CCDC178: variants seen among roughly 807,000 people sequenced by gnomAD.
CCDC178 encodes coiled-coil domain-containing protein 178.
In CCDC178, 126 loss-of-function variants were observed where a neutral mutation model predicts 117.4. That is an observed-to-expected ratio of 1.07 (90% confidence interval 0.93 to 1.24). CCDC178 has a LOEUF of 1.24. Ranked by LOEUF, CCDC178 falls within the 50% of genes most tolerant of loss-of-function variation. CCDC178 has a pLI of 0.00. For missense variants in CCDC178, 1,030 were observed against 986.9 expected, an observed-to-expected ratio of 1.04 and a Z score of -0.59; for synonymous variants, 283 against 313.4, an observed-to-expected ratio of 0.90 and a Z score of 1.02.
chr18:33,282,453 C>G (rs2040577779), intron 12 of CCDC178, among the ~76,000 whole-genome samples: 1 of 152,154 alleles, frequency 6.6e-6, no homozygotes, highest in Admixed American at 6.5e-5. Flanking sequence ...TCAGATGGGA[C>G]TAGTCTGACC....
chr18:33,432,249 C>A (rs986836745), intron 2 of CCDC178, among the ~76,000 whole-genome samples: 2 of 152,084 alleles, frequency 1.3e-5, no homozygotes, highest in African/African-American at 2.4e-5. Flanking sequence ...AGTAGAAAGG[C>A]ACCACAGAAT....
intron 3 of CCDC178, among the ~76,000 whole-genome samples, chr18:33,411,767 T>C (rs529925440): frequency 6.6e-6 from 1 of 152,252 alleles, no homozygotes; most frequent in South Asian, 2.1e-4. Flanking sequence ...CACACCATTG[T>C]TGTACTGCTT....
At chr18:33,065,867 T>C (rs535854025) in intron 21 of CCDC178, among the ~76,000 whole-genome samples, 28 of 150,260 alleles carry the variant, frequency 1.9e-4, no homozygotes, top group Non-Finnish European at 2.1e-4. Context: ...TTTTCTTTTT[T>C]TTTTTTTTTT....
intron 20 of CCDC178, among the ~76,000 whole-genome samples, chr18:33,110,218 CTT>C (rs1046752697): frequency 3.3e-5 from 5 of 151,618 alleles, no homozygotes; most frequent in African/African-American, 1.2e-4. Flanking sequence ...ATTTTCCAGT[CTT>C]TGTCACTTTT....
chr18:33,366,204 C>A (rs551931968), intron 6 of CCDC178, among the ~76,000 whole-genome samples: 1 of 152,094 alleles, frequency 6.6e-6, no homozygotes, highest in Admixed American at 6.6e-5. Context: ...GTAGCTCATG[C>A]CTGTAATCCT....
intron 21 of CCDC178, among the ~76,000 whole-genome samples, chr18:33,030,794 T>C (rs1435139902): frequency 1.3e-5 from 2 of 152,054 alleles, no homozygotes; most frequent in African/African-American, 2.4e-5. Flanking sequence ...GATAGATAGA[T>C]AGATGTAGAT....
chr18:33,151,643 A>C (rs574066344), intron 20 of CCDC178, among the ~76,000 whole-genome samples: 1 of 152,324 alleles, frequency 6.6e-6, no homozygotes, highest in South Asian at 2.1e-4. Context: ...TTATAATAGA[A>C]AGTAATCAAC....
At chr18:33,244,811 G>C (rs1599045358) in intron 15 of CCDC178, among the ~76,000 whole-genome samples, 1 of 151,964 alleles carries the variant, frequency 6.6e-6, no homozygotes, top group East Asian at 1.9e-4. Flanking sequence ...CAGAAATGTA[G>C]TCTACAAATT....
intron 20 of CCDC178, among the ~76,000 whole-genome samples, chr18:33,192,219 G>T (rs1344589065): frequency 1.3e-5 from 2 of 152,106 alleles, no homozygotes; most frequent in South Asian, 4.1e-4. Context: ...CAACTTGGTT[G>T]TAATTTCCTA....
At chr18:33,046,511 A>C (rs575646694) in intron 21 of CCDC178, among the ~76,000 whole-genome samples, 8 of 149,946 alleles carry the variant, frequency 5.3e-5, no homozygotes, top group Non-Finnish European at 1.2e-4. Flanking sequence ...TTACAAGACA[A>C]AGCTAAGTAT....
intron 2 of CCDC178, among the ~76,000 whole-genome samples, chr18:33,433,245 G>C (rs988150965): frequency 7.2e-5 from 11 of 152,240 alleles, no homozygotes; most frequent in Middle Eastern, 3.4e-3. Flanking sequence ...CATCTCCAGA[G>C]TATATCCAAT....
intron 21 of CCDC178, among the ~76,000 whole-genome samples, chr18:33,070,239 A>C (rs1258109004): frequency 6.6e-6 from 1 of 152,144 alleles, no homozygotes; most frequent in Non-Finnish European, 1.5e-5. Context: ...TGTTTATTGC[A>C]GCAGTATTCA....
intron 21 of CCDC178, among the ~76,000 whole-genome samples, chr18:33,066,972 T>C (rs2057028023): frequency 6.6e-6 from 1 of 152,178 alleles, no homozygotes; most frequent in Non-Finnish European, 1.5e-5. Context: ...CAAGGAAACA[T>C]TGTATTTAAA....
At chr18:33,056,033 C>T (rs981273221) in intron 21 of CCDC178, among the ~76,000 whole-genome samples, 2 of 152,142 alleles carry the variant, frequency 1.3e-5, no homozygotes, top group African/African-American at 4.8e-5. Context: ...AAACTCCTGA[C>T]CTCAAGTGAT....
At chr18:33,241,493 T>C (rs1312308287) in intron 15 of CCDC178, among the ~76,000 whole-genome samples, 1 of 150,364 alleles carries the variant, frequency 6.7e-6, no homozygotes, top group East Asian at 2.0e-4. Context: ...ACCAAAAAAA[T>C]TGTAGAACTG....
chr18:32,955,157 A>G (rs554031825), intron 22 of CCDC178, among the ~76,000 whole-genome samples: 1 of 152,268 alleles, frequency 6.6e-6, no homozygotes, highest in Admixed American at 6.5e-5. Context: ...TCAAAAACTC[A>G]AATGTTATCA....
At chr18:33,326,956 A>G (rs1412825690) in intron 10 of CCDC178, among the ~76,000 whole-genome samples, 2 of 152,022 alleles carry the variant, frequency 1.3e-5, no homozygotes, top group Non-Finnish European at 2.9e-5. Flanking sequence ...GCCCAAGCAC[A>G]CTGGCTAGGG....
chr18:33,414,220 G>A (rs2063900934), intron 2 of CCDC178, among the ~76,000 whole-genome samples: 1 of 152,098 alleles, frequency 6.6e-6, no homozygotes, highest in Non-Finnish European at 1.5e-5. Context: ...CAGCCAGTTA[G>A]AAATCTGTGA....
intron 21 of CCDC178, among the ~76,000 whole-genome samples, chr18:33,084,349 G>A (rs192271329): frequency 1.1e-4 from 16 of 152,280 alleles, no homozygotes; most frequent in Admixed American, 7.8e-4. Flanking sequence ...GCTATGGCAT[G>A]TGCTGTTTTA....
Sources: gnomAD v4.1 joint callset for allele counts (sites outside exome capture counted in the v4.1 genomes callset) on GRCh38, gnomAD v4.1.1 for gene constraint, MANE v1.5 for transcripts, NCBI Gene and HGNC (gene_info 2026-07-23, HGNC 2026-07-21) for gene names.